Variants in KIAA1671 observed in about 807,000 individuals in gnomAD.
KIAA1671 encodes the protein KIAA1671.
In KIAA1671, 52 loss-of-function variants were observed where a neutral mutation model predicts 131.2. That is an observed-to-expected ratio of 0.40 (90% confidence interval 0.32 to 0.50). The LOEUF is 0.50. Ranked by LOEUF, KIAA1671 falls within the 20% of genes least tolerant of loss-of-function variation. The pLI, the probability that KIAA1671 is intolerant of heterozygous loss-of-function variation, is 0.73. For synonymous variants in KIAA1671, 1,003 were observed against 961.6 expected, an observed-to-expected ratio of 1.04 and a Z score of -0.80; for missense variants, 2,360 against 2,364.2, an observed-to-expected ratio of 1.00 and a Z score of 0.04.
chr22:25,001,009 G>A (rs1402627644), intron 1 of KIAA1671, among the ~76,000 whole-genome samples: 2 of 151,738 alleles, frequency 1.3e-5, no homozygotes, highest in Admixed American at 6.6e-5. Context: ...TATTGGTCAC[G>A]TGGAGATTTT....
At chr22:24,963,507 C>T (rs1423521674) in intron 1 of KIAA1671, among the ~76,000 whole-genome samples, 1 of 151,830 alleles carries the variant, frequency 6.6e-6, no homozygotes, top group African/African-American at 2.4e-5. Flanking sequence ...TCCTGTGTGA[C>T]CCTGGGCAGC....
intron 4 of KIAA1671, 24 bp from the exon 5 acceptor site, chr22:25,038,736 C>A: frequency 3.3e-6 from 5 of 1,514,942 alleles, no homozygotes; most frequent in Non-Finnish European, 4.4e-6. Context: ...TGAGGTGTTT[C>A]TTTTTCTTTT....
intron 6 of KIAA1671, chr22:25,050,378 A>G (rs1236682725): frequency 6.6e-6 from 1 of 152,186 alleles, no homozygotes; most frequent in East Asian, 1.9e-4. Flanking sequence ...CCCAGGTCCT[A>G]TACAGGGGCA....
At chr22:25,188,404 G>A (rs976907409) in intron 11 of KIAA1671, among the ~76,000 whole-genome samples, 1 of 151,580 alleles carries the variant, frequency 6.6e-6, no homozygotes, top group South Asian at 2.1e-4. Flanking sequence ...TGTCTTATGG[G>A]CATTGTATTG....
chr22:25,077,541 G>A (rs558161312), intron 6 of KIAA1671, among the ~76,000 whole-genome samples: 1 of 152,346 alleles, frequency 6.6e-6, no homozygotes, highest in Non-Finnish European at 1.5e-5. Context: ...AGCCTCCCAT[G>A]GCAGAGGTGG....
intron 8 of KIAA1671, chr22:25,176,197 C>G (rs1341315691): frequency 6.6e-6 from 1 of 152,288 alleles, no homozygotes; most frequent in Non-Finnish European, 1.5e-5. Context: ...CCCTCTTTCA[C>G]TGGTCCCGTG....
chr22:25,138,820 GC>G (rs1932761986), intron 6 of KIAA1671, among the ~76,000 whole-genome samples: 1 of 152,160 alleles, frequency 6.6e-6, no homozygotes, highest in African/African-American at 2.4e-5. Flanking sequence ...TTGCTGAGTA[GC>G]TCTTGGTGCC....
chr22:25,029,466 G>C lies in KIAA1671; in HGVS notation c.1467G>C (p.Glu489Asp). Residue 489 changes from glutamate to aspartate, a missense_variant, in exon 3 of 13, where the codon GAG (glutamate) becomes GAC (aspartate). This residue lies in a region of KIAA1671 where 1,185 missense variants were observed against 1,126.2 expected (regional missense o/e 1.05). Coordinates refer to ENST00000358431, the MANE Select transcript of KIAA1671 (RefSeq NM_001145206.2). ...VQERIRGWTA[E>D]SSEAKPEVRR... ...AACGGATCAGAGGCTGGACTGCCGA[G>C]AGCTCAGAGGCTAAGCCCGAGGTCA... The C allele has an allele frequency of 1.3e-6, 2 of 1,551,322 alleles. No individual in the cohort carries two copies. Among genetic ancestry groups the C allele is most frequent in the Non-Finnish European group, 1.7e-6 (2 of 1,146,828 alleles).
intron 11 of KIAA1671, among the ~76,000 whole-genome samples, chr22:25,189,138 T>G (rs1439771091): frequency 1.8e-4 from 27 of 150,122 alleles, no homozygotes; most frequent in Non-Finnish European, 3.5e-4. Flanking sequence ...TTTTTTTTTT[T>G]TTTTTTTGTT....
chr22:25,163,599 G>A (rs1230461894), intron 6 of KIAA1671, among the ~76,000 whole-genome samples: 3 of 151,234 alleles, frequency 2.0e-5, no homozygotes, highest in Non-Finnish European at 2.9e-5. Flanking sequence ...ACGCCACCAC[G>A]CCCAGCTAAT....
rs1227630158 is a variant in KIAA1671, at chr22:25,194,163, A to G, written c.*1762A>G. The G allele has an allele frequency of 6.6e-6, 1 of 152,082 alleles. No homozygotes were observed. Among genetic ancestry groups the G allele is most frequent in the Non-Finnish European group, 1.5e-5 (1 of 68,060 alleles). The allele number at this position is 152,082 out of a possible 1,614,324, so 9.4% of individuals were successfully genotyped here. A position where few individuals can be genotyped will look rare whatever the true frequency, so the allele number is the denominator to read the frequency against. ...AGTGGCACGATCATAGCTCACTAAC[A>G]CCTGGGCTCAAGTGATTCTCCCACC... On this transcript the variant is annotated 3_prime_UTR_variant, in exon 13 of 13. Coordinates refer to ENST00000358431, the MANE Select transcript of KIAA1671 (RefSeq NM_001145206.2).
chr22:24,961,824 T>G (rs761174130), intron 1 of KIAA1671, among the ~76,000 whole-genome samples: 2 of 152,180 alleles, frequency 1.3e-5, no homozygotes, highest in Admixed American at 6.5e-5. Context: ...GACGGGTCCT[T>G]GCAGGAGTAG....
chr22:25,010,527 G>A (rs1924980389), intron 1 of KIAA1671: 1 of 152,154 alleles, frequency 6.6e-6, no homozygotes. Context: ...ACTATGTGCG[G>A]AGTCTGCTGG....
In KIAA1671 at chr22:24,984,483, T is replaced by G. The variant is rs142753680; in HGVS notation, c.-208+31711T>G. ...TAGCCCAGGACAGGGAGCACTGATT[T>G]TACACCTGTTGGTGAAGGTAATGCA... On this transcript the variant is annotated intron_variant, in intron 1 of 12. Transcript: ENST00000358431. Among the ~76,000 whole-genome samples the G allele has an allele frequency of 1.1e-4, 17 of 152,272 alleles. No individual in the cohort carries two copies. In the East Asian group the frequency reaches 3.3e-3, roughly 29 times the overall value.
intron 6 of KIAA1671, chr22:25,053,245 C>T (rs1410600969): frequency 6.6e-6 from 1 of 152,278 alleles, no homozygotes; most frequent in Non-Finnish European, 1.5e-5. Flanking sequence ...CCCCATCTCC[C>T]TTGTTACTTT....
rs1324671566 is a variant in KIAA1671 at position 25,150,836 on chromosome 22, C to CTTTTTTTTTTTTTTT, written c.4531-19970_4531-19969insTTTTTTTTTTTTTTT. ...TTATGACTGTGTTCTGGGTCCTTTG[C>CTTTTTTTTTTTTTTT]TTTTTTTTTTTTTTGAGATGGAGTC... is the stretch of plus-strand genomic sequence containing the variant. On this transcript the variant is annotated intron_variant, in intron 6 of 12. Coordinates refer to ENST00000358431, the MANE Select transcript of KIAA1671 (RefSeq NM_001145206.2). Among the ~76,000 whole-genome samples, 108 of 125,906 alleles carry CTTTTTTTTTTTTTTT rather than the reference C, an allele frequency of 8.6e-4. 6 individuals carry two copies. The highest frequency in any genetic ancestry group is 2.0e-3 in the East Asian group (9 of 4,482). 82.6% of individuals were successfully genotyped at this position (125,906 alleles called of 152,430 possible).
At chr22:25,163,683 C>T (rs1395004382) in intron 6 of KIAA1671, among the ~76,000 whole-genome samples, 2 of 151,618 alleles carry the variant, frequency 1.3e-5, no homozygotes, top group Non-Finnish European at 2.9e-5. Flanking sequence ...CTTGTGATGC[C>T]CACCTCGGCC....
At chr22:25,003,385 C>T (rs1312484913) in intron 1 of KIAA1671, among the ~76,000 whole-genome samples, 1 of 150,188 alleles carries the variant, frequency 6.7e-6, no homozygotes, top group Non-Finnish European at 1.5e-5. Context: ...GCCTTATCTC[C>T]TTTCACTTGG....
rs1930173168 is a variant in KIAA1671 at position 25,093,744 on chromosome 22, C to CTCTGTCTCTCTCTCTT, written c.4530+44383_4530+44384insGTCTCTCTCTCTTTCT. 3.0e-4 allele frequency among the ~76,000 whole-genome samples: 31 copies of CTCTGTCTCTCTCTCTT among 105,030 alleles called. 1 individual carries two copies. Among genetic ancestry groups the CTCTGTCTCTCTCTCTT allele is most frequent in the African/African-American group, 1.1e-3 (26 of 24,486 alleles). 68.9% of individuals were successfully genotyped at this position (105,030 alleles called of 152,430 possible). On this transcript the variant is annotated intron_variant, in intron 6 of 12. Transcript: ENST00000358431. ...ACACACACACACACACACACTCTCT[C>CTCTGTCTCTCTCTCTT]TCTCTCTCTCTCTCTCTCTCTCTGT...
Sources: allele counts gnomAD v4.1 joint callset (sites outside exome capture counted in the v4.1 genomes callset), GRCh38; gene constraint gnomAD v4.1.1; regional missense constraint gnomAD v4.1.1; transcripts MANE v1.5; gene names NCBI Gene and HGNC (gene_info 2026-07-23, HGNC 2026-07-21).